Variants in GRIP1 observed in about 807,000 individuals in gnomAD.
GRIP1 encodes glutamate receptor interacting protein 1, also known as glutamate receptor-interacting protein 1.
Under a neutral mutation model 129.9 loss-of-function variants are expected in GRIP1, and 45 were observed. The observed-to-expected ratio is 0.35, with a 90% CI of 0.27 to 0.44. The LOEUF is 0.44. GRIP1 is among the 20% of genes least tolerant of loss of function. The pLI is 1.00. For missense variants in GRIP1, 1,196 were observed against 1,396.8 expected, an observed-to-expected ratio of 0.86 and a Z score of 2.29; for synonymous variants, 530 against 520.8, an observed-to-expected ratio of 1.02 and a Z score of -0.24.
Position 66,394,742 on chromosome 12 carries a change from T to C in GRIP1, c.1985-390A>G, listed in dbSNP as rs149941792. Among the ~76,000 whole-genome samples, 232 of 152,342 alleles carry C rather than the reference T, an allele frequency of 1.5e-3. 1 individual carries two copies. The highest frequency in any genetic ancestry group is 5.3e-3 in the African/African-American group (220 of 41,586). On this transcript the variant is annotated intron_variant, in intron 16 of 24. Transcript: ENST00000359742. Reference sequence around the variant, plus strand: ...AATATGAGAGGAGAGAGTCACTCAGTAACAAAGAAGACAGACATTGGGTCA... The same window carrying C: ...AATATGAGAGGAGAGAGTCACTCAGCAACAAAGAAGACAGACATTGGGTCA...
At chr12:66,892,354 A>G (rs1383666310) in intron 1 of GRIP1, among the ~76,000 whole-genome samples, 1 of 152,212 alleles carries the variant, frequency 6.6e-6, no homozygotes, top group East Asian at 1.9e-4. Flanking sequence ...TTGATTCAAC[A>G]TAACTTCCAG....
At chr12:66,643,735 T>C (rs2032128669) in intron 1 of GRIP1, among the ~76,000 whole-genome samples, 1 of 152,104 alleles carries the variant, frequency 6.6e-6, no homozygotes, top group African/African-American at 2.4e-5. Context: ...AGCTAATTTT[T>C]AAATGTTTTG....
chr12:67,002,460 AT>A (rs2042564973), intron 1 of GRIP1, among the ~76,000 whole-genome samples: 1 of 152,242 alleles, frequency 6.6e-6, no homozygotes, highest in African/African-American at 2.4e-5. Context: ...ACTCACATTT[AT>A]TCTGCAAACT....
intron 1 of GRIP1, among the ~76,000 whole-genome samples, chr12:66,837,322 C>T: frequency 6.6e-6 from 1 of 152,102 alleles, no homozygotes; most frequent in Admixed American, 6.5e-5. Flanking sequence ...GTATCTAAAA[C>T]CTACAGAGAC....
intron 1 of GRIP1, among the ~76,000 whole-genome samples, chr12:66,979,252 A>AC (rs1555257218): frequency 0.09 from 9,919 of 110,224 alleles, 600 homozygotes; most frequent in African/African-American, 0.14. Flanking sequence ...AAAAAAAAAA[A>AC]AACAAGCCCG....
chr12:66,500,223 A>G (rs1452394536), intron 7 of GRIP1, among the ~76,000 whole-genome samples: 4 of 152,214 alleles, frequency 2.6e-5, no homozygotes, highest in African/African-American at 7.2e-5. Flanking sequence ...ACCAATCCCC[A>G]TTGTACAGAC....
At position 66,919,300 on chromosome 12, in the gene GRIP1, G is replaced by T. The variant is rs555340575; in HGVS notation, c.58+149750C>A. Among the ~76,000 whole-genome samples, 42 of 152,260 alleles carry T rather than the reference G, an allele frequency of 2.8e-4. No homozygotes were observed. The South Asian group carries it at 8.5e-3, about 31-fold the overall frequency. ...TCACCTGAAAGCAGAGTTAGCAACT[G>T]GCAGTTTGCTTGGTGAGAACAGAAC... is the stretch of plus-strand genomic sequence containing the variant. On this transcript the variant is annotated intron_variant, in intron 1 of 1. Transcript: ENST00000643019.
At chr12:66,436,708 C>T (rs1203044021) in intron 13 of GRIP1, among the ~76,000 whole-genome samples, 7 of 152,002 alleles carry the variant, frequency 4.6e-5, no homozygotes, top group East Asian at 3.9e-4. Flanking sequence ...TGGGGCCAGG[C>T]GCAGTGGCTC....
upstream of GRIP1, among the ~76,000 whole-genome samples, chr12:66,804,813 G>A (rs2038955837): frequency 6.6e-6 from 1 of 152,142 alleles, no homozygotes; most frequent in Admixed American, 6.5e-5. Context: ...AACCCTTTGT[G>A]CTCCCTTGCA....
At chr12:66,573,059 T>C (rs1434608695) in intron 2 of GRIP1, among the ~76,000 whole-genome samples, 1 of 151,480 alleles carries the variant, frequency 6.6e-6, no homozygotes, top group Non-Finnish European at 1.5e-5. Flanking sequence ...ACATATAACA[T>C]ATGTATATAT....
At chr12:66,544,335 C>T (rs2061879816) in intron 2 of GRIP1, among the ~76,000 whole-genome samples, 1 of 151,984 alleles carries the variant, frequency 6.6e-6, no homozygotes, top group South Asian at 2.1e-4. Context: ...CTACTCTGAG[C>T]CAGACAATAA....
At chr12:66,469,885 C>A (rs2059389818) in intron 7 of GRIP1, among the ~76,000 whole-genome samples, 1 of 152,138 alleles carries the variant, frequency 6.6e-6, no homozygotes. Context: ...AGAGTGAGAC[C>A]ACCCTACTCC....
intron 1 of GRIP1, among the ~76,000 whole-genome samples, chr12:66,955,577 G>A (rs369643985): frequency 5.6e-5 from 8 of 142,538 alleles, no homozygotes; most frequent in South Asian, 2.2e-4. Context: ...GTGCAATCTC[G>A]GCTCACTGCA....
At chr12:66,916,498 A>C (rs1372886686) in intron 1 of GRIP1, among the ~76,000 whole-genome samples, 1 of 152,206 alleles carries the variant, frequency 6.6e-6, no homozygotes, top group Non-Finnish European at 1.5e-5. Flanking sequence ...AACCCCTTTC[A>C]GAAGCCACCA....
At chr12:66,856,203 CCTTATACAAAAATTAAGT>C (rs1313447154) in intron 1 of GRIP1, among the ~76,000 whole-genome samples, 1 of 152,022 alleles carries the variant, frequency 6.6e-6, no homozygotes, top group East Asian at 1.9e-4. Context: ...CTTCCTTACA[CCTTATACAAAAATTAAGT>C]CAAGATGGAT....
intron 2 of GRIP1, among the ~76,000 whole-genome samples, chr12:66,564,442 C>T (rs2062665521): frequency 6.6e-6 from 1 of 152,100 alleles, no homozygotes; most frequent in Non-Finnish European, 1.5e-5. Context: ...CATGTCCCTA[C>T]AAAAGACATT....
chr12:66,764,200 A>G (rs1271215524), intron 1 of GRIP1, among the ~76,000 whole-genome samples: 1 of 152,224 alleles, frequency 6.6e-6, no homozygotes, highest in Non-Finnish European at 1.5e-5. Context: ...AAAAATAATG[A>G]GAAAGAATCT....
At chr12:66,931,093 A>T (rs1349054263) in intron 1 of GRIP1, among the ~76,000 whole-genome samples, 1 of 152,220 alleles carries the variant, frequency 6.6e-6, no homozygotes, top group Non-Finnish European at 1.5e-5. Context: ...CTAGATATTG[A>T]CTGTCAAGAG....
rs184765848 is a variant in GRIP1, at chr12:66,872,657, C to T, written c.58+196393G>A. Among the ~76,000 whole-genome samples, 1,235 of 152,034 alleles carry T rather than the reference C, an allele frequency of 8.1e-3. 4 individuals carry two copies. The highest frequency in any genetic ancestry group is 0.011 in the Non-Finnish European group (781 of 67,968). On this transcript the variant is annotated intron_variant, in intron 1 of 1. Transcript: ENST00000643019. Reference sequence around the variant, plus strand: ...CAAAGTGACAGTTGCTATAATGATGCCTACTCTAAATGTGTAAATTTATTC... The same window carrying T: ...CAAAGTGACAGTTGCTATAATGATGTCTACTCTAAATGTGTAAATTTATTC...
Sources: allele counts gnomAD v4.1 joint callset (sites outside exome capture counted in the v4.1 genomes callset), GRCh38; gene constraint gnomAD v4.1.1; transcripts MANE v1.5; gene names NCBI Gene and HGNC (gene_info 2026-07-23, HGNC 2026-07-21).